KLF12: variants seen among roughly 807,000 people sequenced by gnomAD.
KLF12 encodes the protein KLF transcription factor 12, also known as Krueppel-like factor 12.
A neutral mutation model predicts 37.8 loss-of-function variants in KLF12; 9 were observed. The ratio of observed to expected loss-of-function variants is 0.24; its 90% CI spans 0.14 to 0.42. KLF12 has a LOEUF of 0.42. Among genes scored for constraint, KLF12 ranks in the 10% least tolerant of loss-of-function variants. KLF12 has a pLI of 1.00. For synonymous variants in KLF12, 208 were observed against 202.1 expected (o/e 1.03, Z -0.25); for missense variants, 411 against 516.0 (o/e 0.80, Z 1.97).
chr13:73,868,025 C>CAA (rs1296082268), intron 3 of KLF12, among the ~76,000 whole-genome samples: 1 of 120,088 alleles, frequency 8.3e-6, no homozygotes, highest in Non-Finnish European at 1.7e-5. Context: ...AACTCCTTCT[C>CAA]AAAAAAAAAA....
At chr13:74,054,416 G>A (rs1278111996) in intron 1 of KLF12, among the ~76,000 whole-genome samples, 2 of 152,176 alleles carry the variant, frequency 1.3e-5, no homozygotes, top group Non-Finnish European at 2.9e-5. Context: ...CGGAGAGTCA[G>A]CTCACCATGA....
At chr13:74,045,070 A>C (rs1893505419) in intron 1 of KLF12, among the ~76,000 whole-genome samples, 1 of 152,176 alleles carries the variant, frequency 6.6e-6, no homozygotes, top group Non-Finnish European at 1.5e-5. Flanking sequence ...TATACTTCAC[A>C]CCCAAGGAGG....
chr13:73,765,198 C>A (rs1481999003), intron 5 of KLF12, among the ~76,000 whole-genome samples, 198 bp from the exon 6 acceptor site: 2 of 152,140 alleles, frequency 1.3e-5, no homozygotes. Flanking sequence ...TTCTTAACCA[C>A]TCTCAAGACA....
At chr13:74,209,876 C>A in the KLF12 span, among the ~76,000 whole-genome samples, 4 of 151,972 alleles carry the variant, frequency 2.6e-5, no homozygotes, top group Non-Finnish European at 5.9e-5. Flanking sequence ...TATAATGAAA[C>A]CAGAAGAAAA....
chr13:73,941,493 A>G (rs1192225183), intron 3 of KLF12, among the ~76,000 whole-genome samples: 1 of 152,240 alleles, frequency 6.6e-6, no homozygotes, highest in Non-Finnish European at 1.5e-5. Context: ...ATTAAACTTC[A>G]ACCAGCCTTT....
At chr13:74,287,381 A>AGAGAGAGG in the KLF12 span, among the ~76,000 whole-genome samples, 1 of 151,770 alleles carries the variant, frequency 6.6e-6, no homozygotes, top group African/African-American at 2.4e-5. Context: ...AGAGAGAGAG[A>AGAGAGAGG]GAGAGAGAGA....
chr13:73,944,688 T>C (rs966443820), intron 2 of KLF12, among the ~76,000 whole-genome samples: 1 of 152,218 alleles, frequency 6.6e-6, no homozygotes, highest in East Asian at 1.9e-4. Context: ...TATTTGGTCT[T>C]TATTCTGGTA....
At chr13:73,752,184 T>C (rs930183317) in intron 6 of KLF12, among the ~76,000 whole-genome samples, 1 of 152,118 alleles carries the variant, frequency 6.6e-6, no homozygotes, top group Non-Finnish European at 1.5e-5. Context: ...GGTTTTGTCA[T>C]GCTGGCCAGG....
At chr13:73,774,877 G>A (rs1798974342) in intron 5 of KLF12, among the ~76,000 whole-genome samples, 1 of 149,104 alleles carries the variant, frequency 6.7e-6, no homozygotes, top group Non-Finnish European at 1.5e-5. Flanking sequence ...ATATGTGTGT[G>A]TGTCTGTGTG....
chr13:74,186,163 C>T, the KLF12 span, among the ~76,000 whole-genome samples: 1 of 152,034 alleles, frequency 6.6e-6, no homozygotes, highest in East Asian at 1.9e-4. Context: ...CTCAGAAATA[C>T]AATCCTAAGG....
intron 1 of KLF12, among the ~76,000 whole-genome samples, chr13:74,091,995 T>TAAA (rs55924732): frequency 2.1e-5 from 3 of 144,720 alleles, no homozygotes; most frequent in Non-Finnish European, 1.5e-5. Flanking sequence ...AAGCAACCTT[T>TAAA]AAAAAAAAAA....
intron 5 of KLF12, among the ~76,000 whole-genome samples, chr13:73,778,413 C>T (rs954103598): frequency 5.3e-5 from 8 of 152,056 alleles, no homozygotes; most frequent in African/African-American, 1.7e-4. Context: ...GAGGCTGGAG[C>T]GCACGTGGTG....
chr13:73,822,902 T>G (rs899521685), intron 4 of KLF12, among the ~76,000 whole-genome samples: 1 of 152,206 alleles, frequency 6.6e-6, no homozygotes, highest in Non-Finnish European at 1.5e-5. Context: ...CCTTTGCCTT[T>G]TGTTCATTCA....
chr13:74,052,916 A>C (rs1251803258), intron 1 of KLF12, among the ~76,000 whole-genome samples: 1 of 152,100 alleles, frequency 6.6e-6, no homozygotes, highest in African/African-American at 2.4e-5. Context: ...CTGCCAATGA[A>C]ATATCTTGTT....
At chr13:74,298,327 G>A in the KLF12 span, among the ~76,000 whole-genome samples, 11 of 152,310 alleles carry the variant, frequency 7.2e-5, no homozygotes, top group Non-Finnish European at 1.2e-4. Context: ...GATGGATATA[G>A]AAGTAGACTG....
chr13:73,733,809 C>A (rs1198999083), intron 6 of KLF12, among the ~76,000 whole-genome samples: 1 of 152,154 alleles, frequency 6.6e-6, no homozygotes, highest in East Asian at 1.9e-4. Flanking sequence ...TTTTCTATAC[C>A]CTCACTAACA....
chr13:73,783,366 G>T (rs1270320003), intron 5 of KLF12, among the ~76,000 whole-genome samples: 2 of 151,986 alleles, frequency 1.3e-5, no homozygotes, highest in African/African-American at 2.4e-5. Context: ...TTCATTAATG[G>T]GTACAAACAA....
chr13:73,899,791 CA>C (rs1190945787), intron 3 of KLF12, among the ~76,000 whole-genome samples: 1 of 152,126 alleles, frequency 6.6e-6, no homozygotes, highest in African/African-American at 2.4e-5. Flanking sequence ...ACTTGTACCC[CA>C]AACCCCCAAA....
the KLF12 span, among the ~76,000 whole-genome samples, chr13:74,306,009 A>T: frequency 6.6e-6 from 1 of 152,108 alleles, no homozygotes; most frequent in East Asian, 1.9e-4. Context: ...GCTCTCAGGC[A>T]TGATACCCGG....
Sources: gnomAD v4.1 joint callset for allele counts (sites outside exome capture counted in the v4.1 genomes callset) on GRCh38, gnomAD v4.1.1 for gene constraint, MANE v1.5 for transcripts, NCBI Gene and HGNC (gene_info 2026-07-23, HGNC 2026-07-21) for gene names.